KTN1: variants seen among roughly 807,000 people sequenced by gnomAD.
KTN1 encodes kinectin.
Under a neutral mutation model 222.5 loss-of-function variants are expected in KTN1, and 130 were observed. The ratio of observed to expected loss-of-function variants is 0.58; its 90% CI spans 0.51 to 0.68. KTN1 has a LOEUF of 0.68. KTN1 is among the 30% of genes least tolerant of loss of function. The pLI, the probability that KTN1 is intolerant of heterozygous loss-of-function variation, is 0.00. For missense variants in KTN1, 1,508 were observed against 1,500.4 expected (o/e 1.01, Z -0.08); for synonymous variants, 512 against 496.3 (o/e 1.03, Z -0.42).
chr14:55,588,441 A>G (rs763911350), intron 1 of KTN1, among the ~76,000 whole-genome samples: 1 of 152,148 alleles, frequency 6.6e-6, no homozygotes, highest in African/African-American at 2.4e-5. Context: ...GGCACTTGGC[A>G]TGGGTCTCAT....
chr14:55,674,559 T>C (rs2045733859), intron 40 of KTN1: 1 of 152,168 alleles, frequency 6.6e-6, no homozygotes, highest in Non-Finnish European at 1.5e-5. Flanking sequence ...ATGCTATGCA[T>C]TGCACAGATT....
intron 1 of KTN1, among the ~76,000 whole-genome samples, chr14:55,609,779 CA>C (rs1365588177): frequency 6.6e-6 from 1 of 152,064 alleles, no homozygotes; most frequent in Non-Finnish European, 1.5e-5. Context: ...TCTTCTTCAC[CA>C]AAGCAAAAAC....
chr14:55,636,386 T>A, intron 9 of KTN1, 63 bp from the exon 10 acceptor site: 1 of 1,320,532 alleles, frequency 7.6e-7, no homozygotes, highest in Non-Finnish European at 1.1e-6. Context: ...TTTTTCCCTC[T>A]TTTTCAAAGT....
At chr14:55,673,333 T>C in intron 40 of KTN1, 78 bp downstream of exon 40, 1 of 842,650 alleles carries the variant, frequency 1.2e-6, no homozygotes, top group South Asian at 1.7e-5. Context: ...CCATCCAGGC[T>C]TTTTTTTCTT....
At chr14:55,614,137 G>A (rs1186783553) in intron 2 of KTN1, among the ~76,000 whole-genome samples, 1 of 152,210 alleles carries the variant, frequency 6.6e-6, no homozygotes, top group African/African-American at 2.4e-5. Flanking sequence ...GCAGTGGCTA[G>A]ATCATGGTGG....
Position 55,673,007 on chromosome 14 carries a change from A to G in KTN1, c.3682A>G (p.Arg1228Gly). 1 of 1,608,766 alleles carries G rather than the reference A, an allele frequency of 6.2e-7. No individual in the cohort carries two copies. Among genetic ancestry groups the G allele is most frequent in the Non-Finnish European group, 8.5e-7 (1 of 1,175,304 alleles). The change falls in exon 39 of 44, where the codon AGA (arginine) becomes GGA (glycine). Residue 1228 changes from arginine to glycine, a missense_variant. Transcript: ENST00000395314. The part of the protein sequence containing the change: ...MERSTYVTEV[R>G]ELKDLLTELQ... ...ACGATCTACCTATGTTACAGAAGTC[A>G]GAGAGGTACTTACAACAGAATCTTT...
chr14:55,590,731 A>C (rs1341956131), intron 1 of KTN1, among the ~76,000 whole-genome samples: 1 of 150,076 alleles, frequency 6.7e-6, no homozygotes, highest in African/African-American at 2.5e-5. Flanking sequence ...GCTGGAGTGC[A>C]GTGGCGCGAT....
chr14:55,650,590 G>T lies in KTN1; in HGVS notation c.2518G>T (p.Ala840Ser), dbSNP rs775400802. Residue 840 changes from alanine (A) to serine (S), a missense_variant, in exon 24 of 44, where the codon GCT becomes TCT. Ala to Ser is a moderately conservative substitution (Grantham distance 99). Coordinates refer to ENST00000395314, the MANE Select transcript of KTN1 (RefSeq NM_001079521.2). ...CAAGGATTTGAAACAGGAAATAAAGGCTCTAAAAGAAGAAATAGGAAATGT... is the reference window on the plus strand; with the variant it reads ...CAAGGATTTGAAACAGGAAATAAAGTCTCTAAAAGAAGAAATAGGAAATGT... ...TVQDLKQEIK[A>S]LKEEIGNVQL... 1 of 1,612,172 alleles carries T rather than the reference G, an allele frequency of 6.2e-7. No homozygotes were observed. Among genetic ancestry groups the T allele is most frequent in the East Asian group, 2.2e-5 (1 of 44,796 alleles).
At chr14:55,642,489 C>T (rs750951715) in intron 18 of KTN1, among the ~76,000 whole-genome samples, 28 of 152,180 alleles carry the variant, frequency 1.8e-4, no homozygotes, top group Non-Finnish European at 3.1e-4. Flanking sequence ...TCTTCTTCTA[C>T]GCAGCTCTTA....
At chr14:55,582,194 A>G (rs1221886501) in intron 1 of KTN1, among the ~76,000 whole-genome samples, 1 of 152,188 alleles carries the variant, frequency 6.6e-6, no homozygotes, top group African/African-American at 2.4e-5. Context: ...CAGCGTCAGC[A>G]TTATGAAGAG....
In KTN1 at chr14:55,616,521, C is replaced by G. The variant is rs150866311; in HGVS notation, c.528C>G (p.Asp176Glu). 3.1e-5 allele frequency: 49 copies of G among 1,567,302 alleles called. No individual in the cohort carries two copies. The highest frequency in any genetic ancestry group is 3.9e-5 in the Non-Finnish European group (46 of 1,165,618). ...TTTTGTTTGTGTTTAATAAAGATGA[C>G]CAGGATAAAAAGGTGGAAACTCTCA... Reference protein sequence around the residue: ...GQKKSKNGSDDQDKKVETLMV... With the variant: ...GQKKSKNGSDEQDKKVETLMV... The change falls in exon 3 of 44, where the codon GAC (aspartate) becomes GAG (glutamate). Residue 176 changes from aspartate (D) to glutamate (E), a missense_variant. By Grantham distance (45) the Asp-to-Glu change is conservative. Transcript: ENST00000395314.
At position 55,595,450 on chromosome 14, in the gene KTN1, A is replaced by G. The variant is rs2034861139; in HGVS notation, c.-31+15096A>G. On this transcript the variant is annotated intron_variant, in intron 1 of 43. Coordinates refer to ENST00000395314, the MANE Select transcript of KTN1 (RefSeq NM_001079521.2). ...AGTTGTCAGAATTTCTGCTATTCTAACCAGGTAACTCAGAGTAACACAGGA... is the reference window on the plus strand; with the variant it reads ...AGTTGTCAGAATTTCTGCTATTCTAGCCAGGTAACTCAGAGTAACACAGGA... Among the ~76,000 whole-genome samples the G allele has an allele frequency of 1.4e-4, 5 of 36,196 alleles. No individual in the cohort carries two copies. In the South Asian group the frequency reaches 7.9e-3, roughly 57 times the overall value. 23.7% of individuals were successfully genotyped at this position (36,196 alleles called of 152,430 possible).
At chr14:55,626,246 T>A (rs1337308038) in intron 5 of KTN1, among the ~76,000 whole-genome samples, 1 of 152,086 alleles carries the variant, frequency 6.6e-6, no homozygotes, top group East Asian at 1.9e-4. Flanking sequence ...AAGAAAACTT[T>A]ATTTCTACTT....
chr14:55,614,671 ACATT>A (rs1181931206), intron 2 of KTN1, among the ~76,000 whole-genome samples: 4 of 152,256 alleles, frequency 2.6e-5, no homozygotes, highest in African/African-American at 9.6e-5. Flanking sequence ...ATATGCAGCT[ACATT>A]CATTCACTCA....
At chr14:55,635,599 G>C (rs570034372) in intron 9 of KTN1, among the ~76,000 whole-genome samples, 1 of 152,180 alleles carries the variant, frequency 6.6e-6, no homozygotes, top group Non-Finnish European at 1.5e-5. Flanking sequence ...GCTTTGCTCA[G>C]GCTGACTGAG....
chr14:55,645,853 G>T (rs1390074661), intron 18 of KTN1, among the ~76,000 whole-genome samples: 1 of 152,118 alleles, frequency 6.6e-6, no homozygotes, highest in Admixed American at 6.5e-5. Flanking sequence ...TATGTACAGA[G>T]TGGAATTTTA....
intron 5 of KTN1, among the ~76,000 whole-genome samples, chr14:55,621,846 C>CTTT (rs10618434): frequency 8.0e-6 from 1 of 124,258 alleles, no homozygotes; most frequent in Non-Finnish European, 1.6e-5. Context: ...ATTTATATTA[C>CTTT]TTTTTTTTTT....
chr14:55,599,508 A>G (rs2035623923), intron 1 of KTN1, among the ~76,000 whole-genome samples: 1 of 151,420 alleles, frequency 6.6e-6, no homozygotes, highest in South Asian at 2.1e-4. Context: ...TCTGTTGCCC[A>G]GGGCGGAGTG....
chr14:55,593,978 C>CT (rs1246229798), intron 1 of KTN1, among the ~76,000 whole-genome samples: 6 of 152,146 alleles, frequency 3.9e-5, no homozygotes, highest in African/African-American at 1.4e-4. Flanking sequence ...CTGGTTCCTT[C>CT]TTCCCTCTAC....
Sources: allele counts gnomAD v4.1 joint callset (sites outside exome capture counted in the v4.1 genomes callset), GRCh38; gene constraint gnomAD v4.1.1; transcripts MANE v1.5; gene names NCBI Gene and HGNC (gene_info 2026-07-23, HGNC 2026-07-21).